Variants in GLIS1 observed in about 807,000 individuals in gnomAD.
GLIS1 encodes zinc finger protein GLIS1.
Under a neutral mutation model 63.8 loss-of-function variants are expected in GLIS1, and 24 were observed. The observed-to-expected ratio is 0.38, with a 90% CI of 0.27 to 0.53. GLIS1 has a LOEUF of 0.53. Ranked by LOEUF, GLIS1 falls within the 20% of genes least tolerant of loss-of-function variation. The pLI is 0.85. For missense variants in GLIS1, 1,036 were observed against 1,074.1 expected, an observed-to-expected ratio of 0.96 and a Z score of 0.50; for synonymous variants, 450 against 482.5, an observed-to-expected ratio of 0.93 and a Z score of 0.88.
At chr1:53,738,770 G>T (rs1340576102) in intron 1 of GLIS1, among the ~76,000 whole-genome samples, 1 of 152,150 alleles carries the variant, frequency 6.6e-6, no homozygotes, top group Non-Finnish European at 1.5e-5. Flanking sequence ...CGCGCAAACC[G>T]GCACAGTGGG....
At chr1:53,529,653 C>T (rs1187521156) in intron 5 of GLIS1, 138 bp downstream of exon 5, 10 of 842,938 alleles carry the variant, frequency 1.2e-5, no homozygotes, top group South Asian at 8.2e-5. Flanking sequence ...GGACACCATC[C>T]GACCCACTGC....
chr1:53,640,213 C>G (rs1049570398), intron 2 of GLIS1, among the ~76,000 whole-genome samples: 6 of 152,132 alleles, frequency 3.9e-5, no homozygotes, highest in African/African-American at 1.4e-4. Flanking sequence ...CCCCAGGCAG[C>G]CAGGGTCAGG....
intron 2 of GLIS1, among the ~76,000 whole-genome samples, chr1:53,648,234 A>G (rs188277106): frequency 7.2e-5 from 11 of 152,344 alleles, no homozygotes; most frequent in Admixed American, 5.9e-4. Flanking sequence ...AGAATATTCA[A>G]ATGGTCAAAA....
rs2100308030 is a variant in GLIS1, at chr1:53,646,229, A to C, written c.260-45951T>G. Among the ~76,000 whole-genome samples the C allele has an allele frequency of 6.6e-6, 1 of 152,362 alleles. No homozygotes were observed. Among genetic ancestry groups the C allele is most frequent in the Admixed American group, 6.5e-5 (1 of 15,304 alleles). On this transcript the variant is annotated intron_variant, in intron 2 of 10. Transcript: ENST00000628545. The surrounding 1 kb of genome is among the most constrained non-coding windows in gnomAD (Gnocchi z 4.2). ...AACATAAGATTACCTCTAGTGGGTAAGCAGGGATGAAAGAAATAAAATATA... is the reference window on the plus strand; with the variant it reads ...AACATAAGATTACCTCTAGTGGGTACGCAGGGATGAAAGAAATAAAATATA...
chr1:53,600,367 G>T, intron 2 of GLIS1, 89 bp from the exon 3 acceptor site: 3 of 748,966 alleles, frequency 4.0e-6, no homozygotes, highest in Non-Finnish European at 5.5e-6. Context: ...CTGGGGTACA[G>T]CAAGGGACAG....
intron 2 of GLIS1, among the ~76,000 whole-genome samples, chr1:53,655,316 G>T (rs146290210): frequency 6.6e-6 from 1 of 152,142 alleles, no homozygotes; most frequent in Non-Finnish European, 1.5e-5. Context: ...TGCTCTAGAC[G>T]AGTTGTCTCC....
chr1:53,556,594 T>TG (rs1491321955), intron 4 of GLIS1, among the ~76,000 whole-genome samples: 11 of 129,956 alleles, frequency 8.5e-5, no homozygotes, highest in African/African-American at 1.5e-4. Context: ...GTACTGTAGG[T>TG]TTGTGTGTGT....
intron 4 of GLIS1, among the ~76,000 whole-genome samples, chr1:53,536,387 A>C (rs892995757): frequency 3.3e-5 from 5 of 152,132 alleles, no homozygotes; most frequent in African/African-American, 1.2e-4. Context: ...AAACAGTAAA[A>C]CATATTTGAA....
At chr1:53,710,143 C>T (rs1183811706) in intron 2 of GLIS1, among the ~76,000 whole-genome samples, 1 of 152,186 alleles carries the variant, frequency 6.6e-6, no homozygotes, top group Non-Finnish European at 1.5e-5. Context: ...CCCAGAGAAT[C>T]CAGGGTGCTG....
chr1:53,601,855 T>A (rs145967449), intron 2 of GLIS1, among the ~76,000 whole-genome samples: 185 of 152,282 alleles, frequency 1.2e-3, no homozygotes, highest in African/African-American at 4.2e-3. Context: ...CACACAATTA[T>A]CCCCATGCTG....
rs181046988 is a variant in GLIS1 at position 53,659,858 on chromosome 1, G to C, written c.260-59580C>G. 8.7e-4 allele frequency among the ~76,000 whole-genome samples: 133 copies of C among 152,344 alleles called. 2 individuals carry two copies. The East Asian group carries it at 0.019, about 22-fold the overall frequency. ...GAGATGAAAGAGATAAGAGTAGTTA[G>C]AACATCCCATTGTGCTTCAAGGGCT... On this transcript the variant is annotated intron_variant, in intron 2 of 10. Transcript: ENST00000628545.
chr1:53,644,807 G>A (rs1470047898), intron 2 of GLIS1, among the ~76,000 whole-genome samples: 1 of 152,300 alleles, frequency 6.6e-6, no homozygotes, highest in Non-Finnish European at 1.5e-5. Flanking sequence ...CATCCTGAGT[G>A]CCACAGGGGC....
At chr1:53,673,937 C>T (rs1016802385) in intron 2 of GLIS1, among the ~76,000 whole-genome samples, 6 of 151,954 alleles carry the variant, frequency 3.9e-5, no homozygotes, top group Non-Finnish European at 5.9e-5. Context: ...TTTGGGAGGC[C>T]GAGGTGGTCG....
At chr1:53,692,482 AC>A (rs1485112480) in intron 2 of GLIS1, among the ~76,000 whole-genome samples, 9 of 152,158 alleles carry the variant, frequency 5.9e-5, no homozygotes, top group Non-Finnish European at 1.3e-4. Context: ...TGCTTTACAC[AC>A]ATTAATGTGT....
At chr1:53,650,986 C>T (rs1423072596) in intron 2 of GLIS1, among the ~76,000 whole-genome samples, 4 of 152,194 alleles carry the variant, frequency 2.6e-5, no homozygotes, top group African/African-American at 7.2e-5. Flanking sequence ...AGCCCTGTGG[C>T]GTTTCTAAAA....
intron 5 of GLIS1, among the ~76,000 whole-genome samples, chr1:53,529,440 A>T (rs1233491128): frequency 6.6e-6 from 1 of 152,168 alleles, no homozygotes; most frequent in Non-Finnish European, 1.5e-5. Context: ...TGCTCTCTCC[A>T]TGAGGCTGTG....
chr1:53,585,427 G>A (rs1645124767), intron 4 of GLIS1, among the ~76,000 whole-genome samples: 1 of 151,708 alleles, frequency 6.6e-6, no homozygotes, highest in African/African-American at 2.4e-5. Flanking sequence ...TTGAACCTTA[G>A]TGGTTGTCCT....
At chr1:53,607,286 T>G (rs547859339) in intron 2 of GLIS1, among the ~76,000 whole-genome samples, 1 of 152,362 alleles carries the variant, frequency 6.6e-6, no homozygotes, top group Non-Finnish European at 1.5e-5. Flanking sequence ...TCTTTTTCTT[T>G]TAGAGACAGG....
chr1:53,648,184 A>T (rs1202177309), intron 2 of GLIS1, among the ~76,000 whole-genome samples: 1 of 152,168 alleles, frequency 6.6e-6, no homozygotes, highest in African/African-American at 2.4e-5. Context: ...AAAAAAAAAT[A>T]AAAATTAAAA....
Sources: allele counts gnomAD v4.1 joint callset (sites outside exome capture counted in the v4.1 genomes callset), GRCh38; gene constraint gnomAD v4.1.1; non-coding constraint Gnocchi (gnomAD v3.1); transcripts MANE v1.5; gene names NCBI Gene and HGNC (gene_info 2026-07-23, HGNC 2026-07-21).